AGTPBP1: variants seen among roughly 807,000 people sequenced by gnomAD.
The protein encoded by AGTPBP1 is ATP/GTP binding carboxypeptidase 1.
Under a neutral mutation model 143.9 loss-of-function variants are expected in AGTPBP1, and 70 were observed. The ratio of observed to expected loss-of-function variants is 0.49; its 90% CI spans 0.40 to 0.59. AGTPBP1 has a LOEUF of 0.59. Among genes scored for constraint, AGTPBP1 ranks in the 20% least tolerant of loss-of-function variants. The pLI is 0.00. For synonymous variants in AGTPBP1, 463 were observed against 500.2 expected (o/e 0.93, Z 0.99); for missense variants, 1,229 against 1,464.5 (o/e 0.84, Z 2.62).
intron 23 of AGTPBP1, among the ~76,000 whole-genome samples, chr9:85,580,791 A>G (rs1262936176): frequency 6.6e-6 from 1 of 152,236 alleles, no homozygotes; most frequent in Non-Finnish European, 1.5e-5. Flanking sequence ...CTACAAAAAT[A>G]ACAAAAATGC....
chr9:85,792,745 G>T, the AGTPBP1 span, among the ~76,000 whole-genome samples: 1 of 151,864 alleles, frequency 6.6e-6, no homozygotes, highest in East Asian at 1.9e-4. Flanking sequence ...TTGTTACATA[G>T]TCTTACTTTA....
At chr9:85,778,132 C>A in the AGTPBP1 span, among the ~76,000 whole-genome samples, 1 of 152,138 alleles carries the variant, frequency 6.6e-6, no homozygotes, top group Non-Finnish European at 1.5e-5. Flanking sequence ...TAACTTATAC[C>A]TTCAGGACCT....
At chr9:85,607,145 A>G (rs1313732040) in intron 17 of AGTPBP1, among the ~76,000 whole-genome samples, 1 of 152,044 alleles carries the variant, frequency 6.6e-6, no homozygotes, top group Non-Finnish European at 1.5e-5. Context: ...CTATACATGT[A>G]ACAAAATATC....
chr9:85,593,276 A>C (rs1829086557), intron 18 of AGTPBP1, among the ~76,000 whole-genome samples: 1 of 152,202 alleles, frequency 6.6e-6, no homozygotes, highest in East Asian at 1.9e-4. Flanking sequence ...GCACTTGTTA[A>C]CACCACAGGG....
intron 19 of AGTPBP1, among the ~76,000 whole-genome samples, chr9:85,591,187 A>G (rs917918597): frequency 2.6e-5 from 4 of 151,872 alleles, no homozygotes; most frequent in African/African-American, 9.7e-5. Context: ...ATGGCAAAAA[A>G]AAAAAAGGGG....
At chr9:85,776,704 G>T in the AGTPBP1 span, among the ~76,000 whole-genome samples, 1 of 152,178 alleles carries the variant, frequency 6.6e-6, no homozygotes, top group Non-Finnish European at 1.5e-5. Context: ...AAGTGTCCAG[G>T]TGGCAATCTT....
chr9:85,703,259 A>G (rs1300265911), intron 2 of AGTPBP1, among the ~76,000 whole-genome samples: 2 of 152,182 alleles, frequency 1.3e-5, no homozygotes, highest in East Asian at 1.9e-4. Flanking sequence ...AGAGATGGGG[A>G]AGACAGAATT....
chr9:85,780,941 C>A, the AGTPBP1 span, among the ~76,000 whole-genome samples: 2 of 152,058 alleles, frequency 1.3e-5, no homozygotes, highest in Admixed American at 6.6e-5. Flanking sequence ...ATGATGAAAC[C>A]TCGTCTCTAC....
At chr9:85,705,417 C>T (rs926252767) in intron 2 of AGTPBP1, among the ~76,000 whole-genome samples, 11 of 151,982 alleles carry the variant, frequency 7.2e-5, no homozygotes, top group Admixed American at 6.6e-5. Context: ...TGGCTCACAC[C>T]GGTAATCCCA....
At chr9:85,722,301 G>C (rs1205126448) in intron 1 of AGTPBP1, among the ~76,000 whole-genome samples, 3 of 152,152 alleles carry the variant, frequency 2.0e-5, no homozygotes, top group Non-Finnish European at 2.9e-5. Context: ...TCACTTTCAG[G>C]AACACCAATC....
chr9:85,697,428 G>C (rs1175686769), intron 2 of AGTPBP1, among the ~76,000 whole-genome samples: 1 of 141,856 alleles, frequency 7.0e-6, no homozygotes, highest in East Asian at 2.1e-4. Flanking sequence ...TAAATTATGG[G>C]TCTTAATTTG....
At chr9:85,761,168 G>A in the AGTPBP1 span, among the ~76,000 whole-genome samples, 1 of 152,154 alleles carries the variant, frequency 6.6e-6, no homozygotes, top group Non-Finnish European at 1.5e-5. Flanking sequence ...TGGGTAGGAA[G>A]AATCAATATT....
At chr9:85,708,010 T>TA (rs1837125613) in intron 2 of AGTPBP1, among the ~76,000 whole-genome samples, 1 of 152,144 alleles carries the variant, frequency 6.6e-6, no homozygotes, top group Admixed American at 6.5e-5. Context: ...CGTGTATACT[T>TA]ATGTAACAAA....
chr9:85,586,594 T>C (rs1003019721), intron 22 of AGTPBP1, among the ~76,000 whole-genome samples: 2 of 152,188 alleles, frequency 1.3e-5, no homozygotes, highest in Non-Finnish European at 2.9e-5. Context: ...GTTACCTTAG[T>C]ATTGTTCAAA....
At chr9:85,743,667 G>C (rs1165522125), upstream of AGTPBP1, among the ~76,000 whole-genome samples, 1 of 152,132 alleles carries the variant, frequency 6.6e-6, no homozygotes, top group Non-Finnish European at 1.5e-5. Flanking sequence ...TACTTTGAGA[G>C]CTCAGCGGGT....
chr9:85,557,543 G>C (rs923483510), intron 25 of AGTPBP1, among the ~76,000 whole-genome samples: 1 of 152,168 alleles, frequency 6.6e-6, no homozygotes, highest in Non-Finnish European at 1.5e-5. Context: ...ATGATTCCCA[G>C]AAATGCAAAC....
rs199589522 is a variant in AGTPBP1 at position 85,741,905 on chromosome 9, A to AGGCGGCGGCGGC, written c.-176_-165dup. 6 of 1,336,004 alleles carry AGGCGGCGGCGGC rather than the reference A, an allele frequency of 4.5e-6. No homozygotes were observed. Among genetic ancestry groups the AGGCGGCGGCGGC allele is most frequent in the African/African-American group, 3.1e-5 (2 of 65,136 alleles). The allele number at this position is 1,336,004 out of a possible 1,614,324, so 82.8% of individuals were successfully genotyped here. On this transcript the variant is annotated 5_prime_UTR_variant, in exon 1 of 26. Transcript: ENST00000357081. ...CAAACCCCGGTGGCAGGCGAGGCGG[A>AGGCGGCGGCGGC]GGCGGCGGCGGCGGCAGCTGCGGCG...
chr9:85,627,947 G>A (rs1181673733), intron 14 of AGTPBP1, among the ~76,000 whole-genome samples: 1 of 152,166 alleles, frequency 6.6e-6, no homozygotes, highest in Non-Finnish European at 1.5e-5. Context: ...TAAGTTTTGA[G>A]GGAATTAAAA....
intron 5 of AGTPBP1, 25 bp from the exon 6 acceptor site, chr9:85,677,607 T>C: frequency 6.9e-7 from 1 of 1,457,238 alleles, no homozygotes. Flanking sequence ...AAAAAAAAAT[T>C]TAAACAACAA....
Sources: allele counts gnomAD v4.1 joint callset (sites outside exome capture counted in the v4.1 genomes callset), GRCh38; gene constraint gnomAD v4.1.1; transcripts MANE v1.5; gene names NCBI Gene and HGNC (gene_info 2026-07-23, HGNC 2026-07-21).